Variants in GRIP1 observed in about 807,000 individuals in gnomAD.
The protein encoded by GRIP1 is glutamate receptor interacting protein 1.
Under a neutral mutation model 129.9 loss-of-function variants are expected in GRIP1, and 45 were observed. That is an observed-to-expected ratio of 0.35 (90% CI 0.27 to 0.44). The LOEUF (loss-of-function observed/expected upper bound fraction) is 0.44. Among genes scored for constraint, GRIP1 ranks in the 20% least tolerant of loss-of-function variants. The pLI, the probability that GRIP1 is intolerant of heterozygous loss-of-function variation, is 1.00. For missense variants in GRIP1, 1,196 were observed against 1,396.8 expected, an observed-to-expected ratio of 0.86 and a Z score of 2.29; for synonymous variants, 530 against 520.8, an observed-to-expected ratio of 1.02 and a Z score of -0.24.
At chr12:66,529,666 T>C (rs2061379388) in intron 5 of GRIP1, among the ~76,000 whole-genome samples, 165 bp downstream of exon 5, 1 of 152,162 alleles carries the variant, frequency 6.6e-6, no homozygotes, top group Admixed American at 6.5e-5. Flanking sequence ...AATAAAAGGC[T>C]ACAAATTGGG....
At chr12:66,469,372 G>A in intron 7 of GRIP1, among the ~76,000 whole-genome samples, 1 of 152,156 alleles carries the variant, frequency 6.6e-6, no homozygotes, top group Non-Finnish European at 1.5e-5. Context: ...CTAAATCCCA[G>A]TATCCTACAA....
Position 66,431,932 on chromosome 12 carries a change from C to T in GRIP1, c.1768+616G>A, listed in dbSNP as rs575598319. Among the ~76,000 whole-genome samples the T allele has an allele frequency of 2.0e-4, 30 of 152,118 alleles. No homozygotes were observed. The East Asian group carries it at 5.4e-3, about 27-fold the overall frequency. ...GGTTCAGTTTTCCAGACACTGTGCA[C>T]TATGGAGGAATTCAAGGATTTACTT... On this transcript the variant is annotated intron_variant, in intron 14 of 24. Coordinates refer to ENST00000359742, the MANE Select transcript of GRIP1 (RefSeq NM_001366722.1).
chr12:67,007,854 A>G (rs912367237), intron 1 of GRIP1, among the ~76,000 whole-genome samples: 1 of 152,204 alleles, frequency 6.6e-6, no homozygotes, highest in African/African-American at 2.4e-5. Flanking sequence ...ATTAAATTTT[A>G]CAAACAGCTG....
Position 66,449,139 on chromosome 12 carries a change from C to T in GRIP1, c.1355-3631G>A, listed in dbSNP as rs144361901. On this transcript the variant is annotated intron_variant, in intron 11 of 24. Coordinates refer to ENST00000359742, the MANE Select transcript of GRIP1 (RefSeq NM_001366722.1). ...TTTCCACATTTCTAATACATGGTCC[C>T]GTTTCAGCATTTATCAGGTCTCTAT... Among the ~76,000 whole-genome samples the T allele has an allele frequency of 5.5e-4, 83 of 152,284 alleles. 1 individual carries two copies. The highest frequency in any genetic ancestry group is 3.4e-3 in the Middle Eastern group (1 of 294).
intron 7 of GRIP1, among the ~76,000 whole-genome samples, chr12:66,475,042 TAA>T (rs2059562760): frequency 1.3e-5 from 2 of 152,050 alleles, no homozygotes; most frequent in African/African-American, 4.8e-5. Context: ...GCAAATTGGA[TAA>T]AGAGTCAAGA....
chr12:66,729,768 G>T (rs981830858), intron 1 of GRIP1, among the ~76,000 whole-genome samples: 2 of 152,074 alleles, frequency 1.3e-5, no homozygotes, highest in Non-Finnish European at 2.9e-5. Flanking sequence ...TAGAGACGGG[G>T]TTTCCCCGTG....
intron 1 of GRIP1, among the ~76,000 whole-genome samples, chr12:66,711,564 C>T (rs748514397): frequency 6.6e-6 from 1 of 151,708 alleles, no homozygotes; most frequent in African/African-American, 2.4e-5. Flanking sequence ...TAAAATATGA[C>T]AGGTATAACA....
Position 66,816,296 on chromosome 12 carries a change from C to G in GRIP1, c.59-219369G>C, listed in dbSNP as rs542848621. On this transcript the variant is annotated intron_variant, in intron 1 of 1. Coordinates refer to the GRIP1 transcript ENST00000643019. ...CTATTATTCTCTGTTGTTATTAAGA[C>G]CATTTTGGCTTTCCCTGAAACTGAT... is the stretch of plus-strand genomic sequence containing the variant. Among the ~76,000 whole-genome samples, 32 of 152,268 alleles carry G rather than the reference C, an allele frequency of 2.1e-4. No homozygotes were observed. The East Asian group carries it at 3.7e-3, about 17-fold the overall frequency.
intron 1 of GRIP1, among the ~76,000 whole-genome samples, chr12:66,760,171 T>C (rs933481794): frequency 1.3e-5 from 2 of 152,090 alleles, no homozygotes; most frequent in Non-Finnish European, 2.9e-5. Flanking sequence ...AGCATTTTTA[T>C]TAAAGCCATT....
chr12:66,407,088 GTATATATACACAGATT>G (rs1330847196), intron 15 of GRIP1, among the ~76,000 whole-genome samples: 1 of 152,140 alleles, frequency 6.6e-6, no homozygotes, highest in Admixed American at 6.5e-5. Flanking sequence ...GTGTGTATAT[GTATATATACACAGATT>G]TGTAAGAACA....
At chr12:66,703,440 G>GAGGGCAA (rs1421252925) in intron 1 of GRIP1, among the ~76,000 whole-genome samples, 2 of 152,144 alleles carry the variant, frequency 1.3e-5, no homozygotes, top group African/African-American at 4.8e-5. Context: ...ATGCATGGGA[G>GAGGGCAA]AGGGCAAAGG....
chr12:67,021,361 T>C (rs2042864162), intron 1 of GRIP1, among the ~76,000 whole-genome samples: 1 of 152,170 alleles, frequency 6.6e-6, no homozygotes, highest in Non-Finnish European at 1.5e-5. Context: ...GCAAATGAGA[T>C]CATGCAGTAA....
intron 2 of GRIP1, among the ~76,000 whole-genome samples, chr12:66,573,614 C>T (rs990149338): frequency 5.9e-5 from 9 of 152,146 alleles, no homozygotes; most frequent in Non-Finnish European, 1.2e-4. Flanking sequence ...AGGCTAGCTC[C>T]AGAGCCTGCG....
intron 1 of GRIP1, among the ~76,000 whole-genome samples, chr12:67,043,680 A>G (rs2043212172): frequency 6.6e-6 from 1 of 152,090 alleles, no homozygotes; most frequent in Admixed American, 6.6e-5. Context: ...ACCAAGAATC[A>G]TGTTGCTCTC....
intron 1 of GRIP1, among the ~76,000 whole-genome samples, chr12:66,662,056 T>A (rs1007769870): frequency 6.6e-6 from 1 of 152,254 alleles, no homozygotes; most frequent in Admixed American, 6.5e-5. Context: ...CTCCTGCGCA[T>A]GTAGAATGAT....
At chr12:66,766,947 T>C (rs967109392) in intron 1 of GRIP1, among the ~76,000 whole-genome samples, 4 of 152,210 alleles carry the variant, frequency 2.6e-5, no homozygotes, top group Non-Finnish European at 5.9e-5. Context: ...AGGGATTCAC[T>C]GCTACTTCCC....
At chr12:66,923,638 T>C (rs988406246) in intron 1 of GRIP1, among the ~76,000 whole-genome samples, 7 of 152,182 alleles carry the variant, frequency 4.6e-5, no homozygotes, top group Non-Finnish European at 7.4e-5. Context: ...CAAACCCACT[T>C]GTACTTTTGA....
At chr12:66,987,975 A>G (rs2042337602) in intron 1 of GRIP1, among the ~76,000 whole-genome samples, 2 of 152,140 alleles carry the variant, frequency 1.3e-5, no homozygotes, top group Admixed American at 1.3e-4. Flanking sequence ...TGCCTCAGTC[A>G]ATAGGTAGTT....
intron 1 of GRIP1, among the ~76,000 whole-genome samples, chr12:67,027,100 TAAAC>T (rs1159036233): frequency 6.6e-6 from 1 of 152,164 alleles, no homozygotes; most frequent in Non-Finnish European, 1.5e-5. Flanking sequence ...AGATCTTTCT[TAAAC>T]AAACATTCTT....
Sources: allele counts gnomAD v4.1 joint callset (sites outside exome capture counted in the v4.1 genomes callset), GRCh38; gene constraint gnomAD v4.1.1; transcripts MANE v1.5; gene names NCBI Gene and HGNC (gene_info 2026-07-23, HGNC 2026-07-21).